The following PLA2G4F variants were observed in gnomAD, a reference collection of about 807,000 sequenced individuals.
The protein encoded by PLA2G4F is cytosolic phospholipase A2 zeta.
Under a neutral mutation model 103.1 loss-of-function variants are expected in PLA2G4F, and 105 were observed. That is an observed-to-expected ratio of 1.02 (90% confidence interval 0.87 to 1.20). The LOEUF is 1.20. Ranked by LOEUF, PLA2G4F falls within the 50% of genes most tolerant of loss-of-function variation. The pLI is 0.00. For synonymous variants in PLA2G4F, 468 were observed against 441.1 expected (o/e 1.06, Z -0.76); for missense variants, 1,155 against 1,075.9 (o/e 1.07, Z -1.03).
chr15:42,142,639 T>C lies in PLA2G4F; in HGVS notation c.2218A>G (p.Met740Val), dbSNP rs1356410. The part of the protein sequence containing the change: ...FPSIEVGPED[M>V]EEARECYLFA... ...AGATAGCACTCACGGGCCTCCTCCATGTCCTCAGGGCCCACCTCGATGCTA... is the reference window on the plus strand; with the variant it reads ...AGATAGCACTCACGGGCCTCCTCCACGTCCTCAGGGCCCACCTCGATGCTA... The change falls in exon 19 of 20, where the codon ATG (methionine) becomes GTG (valine). Residue 740 changes from methionine (M) to valine (V), a missense_variant. Met to Val is a conservative substitution (Grantham distance 21). Transcript: ENST00000397272. The C allele has an allele frequency of 0.7, 1,134,210 of 1,613,624 alleles. 402,641 individuals are homozygous for C. Among genetic ancestry groups the C allele is most frequent in the East Asian group, 0.88 (39,612 of 44,856 alleles).
At chr15:42,149,634 G>A (rs8033274) in intron 11 of PLA2G4F, 79 bp downstream of exon 11, 2 of 1,575,642 alleles carry the variant, frequency 1.3e-6, no homozygotes, top group East Asian at 2.3e-5. Context: ...GCCCCTCTTA[G>A]CCATGCTGGT....
At chr15:42,144,680 G>T in intron 16 of PLA2G4F, 36 bp from the exon 17 acceptor site, 1 of 1,523,324 alleles carries the variant, frequency 6.6e-7, no homozygotes, top group South Asian at 1.3e-5. Context: ...AGAGGGGAAA[G>T]TGGCATCCTC....
At position 42,141,597 on chromosome 15, in the gene PLA2G4F, G is replaced by A. The variant is rs1309285958; in HGVS notation, c.*387C>T. On this transcript the variant is annotated 3_prime_UTR_variant, in exon 20 of 20. Transcript: ENST00000397272. ...CATCTCAGTGTAAGGAGGACAGCTG[G>A]CTTCTCAGTGCCCTCAGCCCCTGTT... 4.3e-6 allele frequency: 2 copies of A among 469,018 alleles called. No individual in the cohort carries two copies. The highest frequency in any genetic ancestry group is 2.3e-5 in the Admixed American group (1 of 42,796). 29.1% of individuals were successfully genotyped at this position (469,018 alleles called of 1,614,324 possible). A position where few individuals can be genotyped will look rare whatever the true frequency, so the allele number is the denominator to read the frequency against.
At position 42,146,284 on chromosome 15, in the gene PLA2G4F, C is replaced by G. The variant is rs374277790; in HGVS notation, c.1420-43G>C. ...GAGGCAGCTTGGCCTTTCAGGAGTT[C>G]CATTCCCCATCCCCGTGGCCTGGGG... is the stretch of plus-strand genomic sequence containing the variant. On this transcript the variant is annotated intron_variant, in intron 13 of 19. Coordinates refer to ENST00000397272, the MANE Select transcript of PLA2G4F (RefSeq NM_213600.4). 12 of 1,575,196 alleles carry G rather than the reference C, an allele frequency of 7.6e-6. No homozygotes were observed. In the Admixed American group the frequency reaches 1.0e-4, roughly 13 times the overall value.
chr15:42,155,263 ACT>A (rs2049004590), intron 2 of PLA2G4F, among the ~76,000 whole-genome samples: 1 of 151,306 alleles, frequency 6.6e-6, no homozygotes, highest in Non-Finnish European at 1.5e-5. Flanking sequence ...GTTCCCACAC[ACT>A]CGCACTCACA....
rs2048823723 is a variant in PLA2G4F at position 42,141,126 on chromosome 15, C to A, written c.*858G>T. 4.9e-6 allele frequency: 2 copies of A among 411,022 alleles called. No homozygotes were observed. The highest frequency in any genetic ancestry group is 4.1e-5 in the African/African-American group (2 of 49,324). The allele number at this position is 411,022 out of a possible 1,614,324, so 25.5% of individuals were successfully genotyped here. ...GGAGTAACCCACCTCCAGGAACTTG[C>A]ACACCCTCCTGCCCCACATACAGGT... On this transcript the variant is annotated 3_prime_UTR_variant, in exon 20 of 20. Transcript: ENST00000397272.
At chr15:42,154,483 G>A (rs759267803) in intron 2 of PLA2G4F, 25 bp from the exon 3 acceptor site, 18 of 1,532,740 alleles carry the variant, frequency 1.2e-5, no homozygotes, top group South Asian at 2.5e-5. Flanking sequence ...GGGAGGGGCC[G>A]GGGCCTCAAG....
chr15:42,142,740 T>C (rs1215619906), intron 18 of PLA2G4F, 26 bp from the exon 19 acceptor site: 2 of 1,612,770 alleles, frequency 1.2e-6, no homozygotes, highest in Non-Finnish European at 1.7e-6. Flanking sequence ...CCTCTGACTC[T>C]GCCTTTCCTC....
intron 13 of PLA2G4F, chr15:42,146,824 A>C: frequency 3.1e-6 from 1 of 325,918 alleles, no homozygotes; most frequent in East Asian, 6.2e-5. Flanking sequence ...AGAACAACTA[A>C]AATCACTCTC....
intron 19 of PLA2G4F, 66 bp from the exon 20 acceptor site, chr15:42,142,270 C>G: frequency 6.9e-7 from 1 of 1,439,252 alleles, no homozygotes; most frequent in Non-Finnish European, 9.5e-7. Context: ...TGGAACAGCC[C>G]AGAAGTCTTC....
chr15:42,151,039 G>A lies in PLA2G4F; in HGVS notation c.602-262C>T, dbSNP rs1009733239. On this transcript the variant is annotated intron_variant, in intron 7 of 19. Transcript: ENST00000397272. ...ATGCCTGGAGGGGAAGGCAGGGAGC[G>A]GGGAGGGAGAGGGGCCCTGCCCAGA... 2.3e-5 allele frequency: 23 copies of A among 985,302 alleles called. No individual in the cohort carries two copies. In the Admixed American group the frequency reaches 2.5e-4, roughly 11 times the overall value. The allele number at this position is 985,302 out of a possible 1,614,324, so 61.0% of individuals were successfully genotyped here.
intron 11 of PLA2G4F, chr15:42,148,910 C>A: frequency 1.0e-6 from 1 of 985,444 alleles, no homozygotes. Flanking sequence ...AGACACCTAG[C>A]ACAGAGAGGG....
rs1474555718 is a variant in PLA2G4F, at chr15:42,146,187, G to T, written c.1474C>A (p.Pro492Thr). 1.2e-6 allele frequency: 2 copies of T among 1,614,132 alleles called. No individual in the cohort carries two copies. Among genetic ancestry groups the T allele is most frequent in the East Asian group, 4.5e-5 (2 of 44,900 alleles). ...QQEAVRQGQN[P>T]YPIYTSVNVR... ...TTGACACTGGTGTAAATGGGGTAAG[G>T]GTTCTGACCCTGGCGGACCGCCTCC... is the stretch of plus-strand genomic sequence containing the variant. The change falls in exon 14 of 20, where the codon CCT becomes ACT. Residue 492 changes from proline (P) to threonine (T), a missense_variant. By Grantham distance (38) the Pro-to-Thr change is conservative. This residue lies in a region of PLA2G4F where 782 missense variants were observed against 692.9 expected (regional missense o/e 1.13). Transcript: ENST00000397272.
intron 16 of PLA2G4F, 61 bp from the exon 17 acceptor site, chr15:42,144,705 C>A: frequency 1.4e-6 from 2 of 1,454,140 alleles, no homozygotes; most frequent in South Asian, 2.8e-5. Context: ...GCCCAGTGGT[C>A]CTTATAGTTC....
At chr15:42,155,423 T>TA in intron 2 of PLA2G4F, 94 bp downstream of exon 2, 1 of 1,310,990 alleles carries the variant, frequency 7.6e-7, no homozygotes, top group Non-Finnish European at 1.1e-6. Flanking sequence ...TGTATACTCT[T>TA]ACACACACAC....
intron 4 of PLA2G4F, 29 bp from the exon 5 acceptor site, chr15:42,153,689 T>A (rs561544535): frequency 6.2e-7 from 1 of 1,613,596 alleles, no homozygotes; most frequent in Non-Finnish European, 8.5e-7. Flanking sequence ...AGCACCAATT[T>A]TTTCAAGGCT....
intron 13 of PLA2G4F, 106 bp from the exon 14 acceptor site, chr15:42,146,347 G>T: frequency 2.8e-6 from 3 of 1,072,132 alleles, no homozygotes; most frequent in Non-Finnish European, 2.8e-6. Context: ...CACAAGAGAG[G>T]CTTTGGGTCG....
rs532370265 is a variant in PLA2G4F, at chr15:42,155,807, C to G, written c.112-218G>C. Among the ~76,000 whole-genome samples, 19 of 152,306 alleles carry G rather than the reference C, an allele frequency of 1.2e-4. No individual in the cohort carries two copies. In the East Asian group the frequency reaches 3.5e-3, roughly 28 times the overall value. ...GAACCCATCCGGTCTGGGTTCAAATCTAAATCCAGCACGGACTCACTGAAC... is the reference window on the plus strand; with the variant it reads ...GAACCCATCCGGTCTGGGTTCAAATGTAAATCCAGCACGGACTCACTGAAC... On this transcript the variant is annotated intron_variant, in intron 1 of 19. Coordinates refer to ENST00000397272, the MANE Select transcript of PLA2G4F (RefSeq NM_213600.4).
At chr15:42,150,180 C>T (rs759908019) in intron 9 of PLA2G4F, 39 bp from the exon 10 acceptor site, 21 of 1,613,534 alleles carry the variant, frequency 1.3e-5, no homozygotes, top group Non-Finnish European at 1.7e-5. Flanking sequence ...GTTCTCTGGG[C>T]AGGATTCTCC....
Sources: gnomAD v4.1 joint callset for allele counts (sites outside exome capture counted in the v4.1 genomes callset) on GRCh38, gnomAD v4.1.1 for gene constraint, gnomAD v4.1.1 regional missense constraint, MANE v1.5 for transcripts, NCBI Gene and HGNC (gene_info 2026-07-23, HGNC 2026-07-21) for gene names.